LMAN1: variants seen among roughly 807,000 people sequenced by gnomAD.
The protein encoded by LMAN1 is lectin, mannose binding 1, also known as protein ERGIC-53.
Under a neutral mutation model 67.8 loss-of-function variants are expected in LMAN1, and 32 were observed. The ratio of observed to expected loss-of-function variants is 0.47; its 90% CI spans 0.36 to 0.63. The LOEUF is 0.63. Ranked by LOEUF, LMAN1 falls within the 30% of genes least tolerant of loss-of-function variation. The pLI, the probability that LMAN1 is intolerant of heterozygous loss-of-function variation, is 0.00. For synonymous variants in LMAN1, 235 were observed against 219.3 expected, an observed-to-expected ratio of 1.07 and a Z score of -0.63; for missense variants, 632 against 628.2, an observed-to-expected ratio of 1.01 and a Z score of -0.06.
intron 10 of LMAN1, among the ~76,000 whole-genome samples, chr18:59,335,757 A>G (rs1908132770): frequency 6.6e-6 from 1 of 152,130 alleles, no homozygotes; most frequent in Non-Finnish European, 1.5e-5. Flanking sequence ...AGAGTAGGGA[A>G]AAAGAGAACT....
At chr18:59,357,960 T>C (rs1382973011) in intron 1 of LMAN1, among the ~76,000 whole-genome samples, 1 of 105,072 alleles carries the variant, frequency 9.5e-6, no homozygotes, top group African/African-American at 3.4e-5. Context: ...CTAAACCTTA[T>C]AGTAAAAAAA....
chr18:59,344,769 C>T (rs1175789656), intron 8 of LMAN1, among the ~76,000 whole-genome samples: 1 of 152,116 alleles, frequency 6.6e-6, no homozygotes, highest in African/African-American at 2.4e-5. Context: ...TATAAGAAAT[C>T]TGCACTTGTA....
intron 8 of LMAN1, among the ~76,000 whole-genome samples, chr18:59,341,485 C>T (rs979737445): frequency 6.6e-6 from 1 of 152,106 alleles, no homozygotes; most frequent in Non-Finnish European, 1.5e-5. Context: ...TTTTGAAAAT[C>T]AGAATCATAT....
At chr18:59,339,587 A>T (rs566081591) in intron 8 of LMAN1, among the ~76,000 whole-genome samples, 6 of 152,172 alleles carry the variant, frequency 3.9e-5, no homozygotes, top group Non-Finnish European at 5.9e-5. Context: ...CCATAAAGGG[A>T]AACCACATGG....
chr18:59,334,325 G>T (rs1039865975), intron 10 of LMAN1, among the ~76,000 whole-genome samples: 6 of 152,108 alleles, frequency 3.9e-5, no homozygotes, highest in Non-Finnish European at 7.3e-5. Flanking sequence ...TGTGAGCCAG[G>T]GAATATTAGG....
At chr18:59,346,463 A>C (rs1908410702) in intron 7 of LMAN1, among the ~76,000 whole-genome samples, 1 of 151,718 alleles carries the variant, frequency 6.6e-6, no homozygotes, top group South Asian at 2.1e-4. Flanking sequence ...TAGCTCAGGC[A>C]ATGCACCCGC....
chr18:59,354,942 G>A (rs1908626094), intron 3 of LMAN1, among the ~76,000 whole-genome samples: 1 of 152,204 alleles, frequency 6.6e-6, no homozygotes, highest in Non-Finnish European at 1.5e-5. Flanking sequence ...ATGTGAGCTA[G>A]CATTAGTCAT....
rs757624292 is a variant in LMAN1 at position 59,357,576 on chromosome 18, G to A, written c.214+1455C>T. The stretch of plus-strand genomic sequence containing the variant: ...AACAAATGCCCAGTAATATACCCTT[G>A]CTGCATGGGCACATAATAAATGACT... On this transcript the variant is annotated intron_variant, in intron 1 of 12. Coordinates refer to ENST00000251047, the MANE Select transcript of LMAN1 (RefSeq NM_005570.4). Among the ~76,000 whole-genome samples, 8 of 152,076 alleles carry A rather than the reference G, an allele frequency of 5.3e-5. No homozygotes were observed. In the South Asian group the frequency reaches 6.2e-4, roughly 12 times the overall value.
chr18:59,331,412 A>G lies in LMAN1; in HGVS notation c.1496+6T>C. 1 of 1,604,736 alleles carries G rather than the reference A, an allele frequency of 6.2e-7. No individual in the cohort carries two copies. The highest frequency in any genetic ancestry group is 1.3e-5 in the African/African-American group (1 of 74,804). On this transcript the variant is annotated splice_donor_region_variant and intron_variant, in intron 12 of 12. Coordinates refer to ENST00000251047, the MANE Select transcript of LMAN1 (RefSeq NM_005570.4). ...ATATTGGGTCACATTTTATCAAGAG[A>G]CTTACCTATACATGATATAACCAAT...
chr18:59,354,274 T>C (rs554236986), intron 4 of LMAN1, among the ~76,000 whole-genome samples: 1 of 152,334 alleles, frequency 6.6e-6, no homozygotes, highest in South Asian at 2.1e-4. Flanking sequence ...TTCAAAAGTA[T>C]ATTATTAAAT....
At chr18:59,332,681 A>G (rs1252724186) in intron 11 of LMAN1, among the ~76,000 whole-genome samples, 2 of 152,216 alleles carry the variant, frequency 1.3e-5, no homozygotes, top group Non-Finnish European at 2.9e-5. Context: ...AGTCAAAAAC[A>G]TATCTAATCC....
intron 10 of LMAN1, among the ~76,000 whole-genome samples, chr18:59,336,875 C>T (rs191586677): frequency 5.3e-5 from 8 of 151,782 alleles, no homozygotes; most frequent in Non-Finnish European, 1.5e-5. Context: ...CAGAGCTAGA[C>T]CCTGTCTCAA....
intron 8 of LMAN1, among the ~76,000 whole-genome samples, chr18:59,343,434 T>C (rs574989703): frequency 6.6e-6 from 1 of 152,078 alleles, no homozygotes; most frequent in Non-Finnish European, 1.5e-5. Context: ...ACCAGCATAA[T>C]ACTGGTATAA....
At chr18:59,350,685 C>A (rs1056194045) in intron 5 of LMAN1, among the ~76,000 whole-genome samples, 2 of 152,058 alleles carry the variant, frequency 1.3e-5, no homozygotes, top group East Asian at 3.9e-4. Context: ...TTAGTAGAGG[C>A]GGGGTTTCAC....
At chr18:59,331,309 A>T in intron 12 of LMAN1, 109 bp downstream of exon 12, 1 of 1,231,424 alleles carries the variant, frequency 8.1e-7, no homozygotes, top group African/African-American at 1.5e-5. Context: ...CAATAAACTT[A>T]ATTTTATAGG....
intron 1 of LMAN1, among the ~76,000 whole-genome samples, chr18:59,358,710 T>C (rs1297196999): frequency 6.6e-6 from 1 of 151,828 alleles, no homozygotes; most frequent in African/African-American, 2.4e-5. Context: ...TAGAAGCAAG[T>C]TTGAGTGCTA....
chr18:59,330,786 G>T lies in LMAN1; in HGVS notation c.*307C>A, dbSNP rs191169863. 2.2e-4 allele frequency: 75 copies of T among 337,524 alleles called. No individual in the cohort carries two copies. The highest frequency in any genetic ancestry group is 1.5e-3 in the African/African-American group (69 of 46,510). 20.9% of individuals were successfully genotyped at this position (337,524 alleles called of 1,614,324 possible). On this transcript the variant is annotated 3_prime_UTR_variant, in exon 13 of 13. Coordinates refer to ENST00000251047, the MANE Select transcript of LMAN1 (RefSeq NM_005570.4). ...GAAACCTGCAATATTGGAGACTTAG[G>T]GGGTAACATTCATATCCAGGGGTTG...
chr18:59,332,629 C>G (rs1010332574), intron 11 of LMAN1, among the ~76,000 whole-genome samples: 6 of 152,034 alleles, frequency 3.9e-5, no homozygotes, highest in Non-Finnish European at 5.9e-5. Context: ...GAAATATGGG[C>G]CAACCATATC....
chr18:59,331,703 T>C (rs767019066), intron 11 of LMAN1, 164 bp from the exon 12 acceptor site: 5 of 710,602 alleles, frequency 7.0e-6, no homozygotes, highest in Admixed American at 5.1e-5. Context: ...ACAACTGTTT[T>C]TGAAGGAGTA....
Sources: allele counts gnomAD v4.1 joint callset (sites outside exome capture counted in the v4.1 genomes callset), GRCh38; gene constraint gnomAD v4.1.1; transcripts MANE v1.5; gene names NCBI Gene and HGNC (gene_info 2026-07-23, HGNC 2026-07-21).